NCKAP5: variants seen among roughly 807,000 people sequenced by gnomAD.
NCKAP5 encodes the protein NCK associated protein 5, also known as nck-associated protein 5.
Under a neutral mutation model 167.0 loss-of-function variants are expected in NCKAP5, and 92 were observed. The ratio of observed to expected loss-of-function variants is 0.55; its 90% CI spans 0.47 to 0.66. The LOEUF is 0.66. Among genes scored for constraint, NCKAP5 ranks in the 30% least tolerant of loss-of-function variants. NCKAP5 has a pLI of 0.00. For synonymous variants in NCKAP5, 891 were observed against 877.4 expected (o/e 1.02, Z -0.27); for missense variants, 2,378 against 2,315.0 (o/e 1.03, Z -0.56).
At chr2:133,159,311 C>T (rs2083696326) in intron 5 of NCKAP5, among the ~76,000 whole-genome samples, 1 of 152,116 alleles carries the variant, frequency 6.6e-6, no homozygotes, top group South Asian at 2.1e-4. Flanking sequence ...CTGCCAACAA[C>T]CTGAGTGAAT....
At chr2:133,417,616 T>C (rs574058137) in intron 3 of NCKAP5, among the ~76,000 whole-genome samples, 250 of 152,290 alleles carry the variant, frequency 1.6e-3, no homozygotes, top group African/African-American at 5.7e-3. Context: ...GAGGCCTCAG[T>C]GAGCTTTTGA....
intron 6 of NCKAP5, among the ~76,000 whole-genome samples, chr2:133,051,997 A>G (rs1341620451): frequency 6.6e-6 from 1 of 152,216 alleles, no homozygotes; most frequent in Admixed American, 6.5e-5. Flanking sequence ...AGTACCAAGA[A>G]TCATACTAAA....
chr2:132,940,366 G>A (rs74429077), intron 8 of NCKAP5, among the ~76,000 whole-genome samples: 139 of 152,232 alleles, frequency 9.1e-4, no homozygotes, highest in African/African-American at 3.2e-3. Context: ...AGGGCTCAGG[G>A]AACACTGGGC....
chr2:133,144,869 T>C (rs982739654), intron 5 of NCKAP5, among the ~76,000 whole-genome samples: 2 of 152,134 alleles, frequency 1.3e-5, no homozygotes, highest in East Asian at 3.9e-4. Context: ...GTGTTAGTGT[T>C]GTTAGAGATT....
intron 6 of NCKAP5, among the ~76,000 whole-genome samples, chr2:133,034,597 A>AC (rs2078983803): frequency 6.6e-6 from 1 of 152,128 alleles, no homozygotes; most frequent in Non-Finnish European, 1.5e-5. Context: ...GTAAATAGAA[A>AC]CAAAAAAATT....
intron 11 of NCKAP5, among the ~76,000 whole-genome samples, chr2:132,803,195 G>C (rs76962415): frequency 0.012 from 1,752 of 152,188 alleles, 25 homozygotes; most frequent in African/African-American, 0.039. Flanking sequence ...TGTTCTCCTA[G>C]AGACCCTTTA....
chr2:132,754,095 G>A (rs1190274539), intron 16 of NCKAP5, among the ~76,000 whole-genome samples: 1 of 152,204 alleles, frequency 6.6e-6, no homozygotes, highest in Non-Finnish European at 1.5e-5. Flanking sequence ...TTTGTGACCT[G>A]CTGCTGCTGT....
intron 1 of NCKAP5, 125 bp from the exon 2 acceptor site, chr2:133,559,242 AG>A (rs1328497355): frequency 6.6e-6 from 1 of 152,168 alleles, no homozygotes; most frequent in African/African-American, 2.4e-5. Context: ...CGTCTATCTC[AG>A]TGGTCTGTTT....
intron 2 of NCKAP5, among the ~76,000 whole-genome samples, chr2:133,558,751 A>G (rs981386992): frequency 1.4e-5 from 2 of 148,054 alleles, no homozygotes; most frequent in African/African-American, 5.0e-5. Flanking sequence ...AACATAATAA[A>G]AGCACTCATG....
intron 5 of NCKAP5, among the ~76,000 whole-genome samples, chr2:133,175,431 A>G (rs2084418928): frequency 6.6e-6 from 1 of 152,080 alleles, no homozygotes; most frequent in South Asian, 2.1e-4. Context: ...CTGTACTAGG[A>G]TTAGAGAGGA....
intron 16 of NCKAP5, among the ~76,000 whole-genome samples, chr2:132,765,131 T>C (rs1681341859): frequency 6.6e-6 from 1 of 152,176 alleles, no homozygotes; most frequent in African/African-American, 2.4e-5. Flanking sequence ...ATACATATGG[T>C]AGTGGCAAAT....
At chr2:133,654,380 A>ATAAG in the NCKAP5 span, among the ~76,000 whole-genome samples, 2 of 125,802 alleles carry the variant, frequency 1.6e-5, no homozygotes, top group East Asian at 4.2e-4. Context: ...TCTATCTCAA[A>ATAAG]TAAATAAATA....
In NCKAP5 at chr2:132,782,964, C is replaced by T. The variant is rs1683185226; in HGVS notation, c.3847G>A (p.Gly1283Arg). The change falls in exon 14 of 20, where the codon GGA becomes AGA. Residue 1283 changes from glycine to arginine, a missense_variant. This residue lies in a region of NCKAP5 where 1,325 missense variants were observed against 1,274.5 expected (regional missense o/e 1.04). Coordinates refer to ENST00000409261, the MANE Select transcript of NCKAP5 (RefSeq NM_207363.3). ...ARSHSFSTHS[G>R]DKPSTPPIEG... ...ATGGGGGGCGTAGAAGGCTTGTCTC[C>T]TGAGTGTGTACTGAAGCTGTGGCTG... 2 of 1,613,862 alleles carry T rather than the reference C, an allele frequency of 1.2e-6. No individual in the cohort carries two copies. Among genetic ancestry groups the T allele is most frequent in the Admixed American group, 3.3e-5 (2 of 60,004 alleles).
chr2:133,064,262 C>A (rs1418317137), intron 6 of NCKAP5, among the ~76,000 whole-genome samples: 2 of 152,200 alleles, frequency 1.3e-5, no homozygotes, highest in Non-Finnish European at 2.9e-5. Flanking sequence ...AGTTAGAGTG[C>A]AAAGCACTGC....
At chr2:133,214,864 A>C (rs557278477) in intron 4 of NCKAP5, among the ~76,000 whole-genome samples, 1 of 152,354 alleles carries the variant, frequency 6.6e-6, no homozygotes, top group African/African-American at 2.4e-5. Context: ...TAAAGGATGC[A>C]GTTCAATCCC....
At chr2:132,942,238 C>T (rs281577) in intron 8 of NCKAP5, among the ~76,000 whole-genome samples, 125,880 of 152,150 alleles carry the variant, frequency 0.83, 52,589 homozygotes, top group African/African-American at 0.95. Context: ...TTTTTATTAG[C>T]GGTAATTATA....
At chr2:133,176,545 T>C (rs2084470606) in intron 5 of NCKAP5, among the ~76,000 whole-genome samples, 2 of 152,216 alleles carry the variant, frequency 1.3e-5, no homozygotes, top group Non-Finnish European at 2.9e-5. Context: ...ATTCCATTAG[T>C]TAAACACAGC....
At position 132,773,954 on chromosome 2, in the gene NCKAP5, A is replaced by T. The variant is rs1439026533; in HGVS notation, c.5050-60T>A. On this transcript the variant is annotated intron_variant, in intron 15 of 19. Coordinates refer to ENST00000409261, the MANE Select transcript of NCKAP5 (RefSeq NM_207363.3). ...TGTTTTATTAAAAAGATCCTTTTGC[A>T]ATCCTCAGAGTAATGGTACATTCTA... The T allele has an allele frequency of 4.2e-6, 6 of 1,414,322 alleles. No homozygotes were observed. In the East Asian group the frequency reaches 9.1e-5, roughly 21 times the overall value. 87.6% of individuals were successfully genotyped at this position (1,414,322 alleles called of 1,614,324 possible).
intron 4 of NCKAP5, among the ~76,000 whole-genome samples, chr2:133,278,772 C>T (rs1459242556): frequency 2.1e-5 from 3 of 144,244 alleles, no homozygotes; most frequent in South Asian, 2.2e-4. Context: ...TAATATCCAT[C>T]CCTAAACTAC....
Sources: allele counts gnomAD v4.1 joint callset (sites outside exome capture counted in the v4.1 genomes callset), GRCh38; gene constraint gnomAD v4.1.1; regional missense constraint gnomAD v4.1.1; transcripts MANE v1.5; gene names NCBI Gene and HGNC (gene_info 2026-07-23, HGNC 2026-07-21).